Variants in LRP1B observed in about 807,000 individuals in gnomAD.
LRP1B encodes low-density lipoprotein receptor-related protein 1B.
LRP1B carries 217 observed loss-of-function variants against 556.6 expected under a neutral mutation model. The ratio of observed to expected loss-of-function variants is 0.39; its 90% CI spans 0.35 to 0.44. The LOEUF is 0.44. LRP1B is among the 20% of genes least tolerant of loss of function. The probability of loss-of-function intolerance (pLI) is 1.00; values close to 1 mark genes in which losing one functional copy is unlikely to be tolerated. For synonymous variants in LRP1B, 2,047 were observed against 1,865.8 expected (o/e 1.10, Z -2.50); for missense variants, 5,053 against 5,620.8 (o/e 0.90, Z 3.23).
At chr2:141,636,607 C>A (rs976114414) in intron 2 of LRP1B, among the ~76,000 whole-genome samples, 1 of 152,014 alleles carries the variant, frequency 6.6e-6, no homozygotes, top group Non-Finnish European at 1.5e-5. Context: ...AATCATCACA[C>A]GTAATATCAA....
chr2:141,478,588 G>A (rs1682799660), intron 3 of LRP1B, among the ~76,000 whole-genome samples: 1 of 146,666 alleles, frequency 6.8e-6, no homozygotes, highest in African/African-American at 2.5e-5. Context: ...CAGTCACCCA[G>A]GCTGGAGTGC....
chr2:142,028,649 T>C (rs533136751), intron 1 of LRP1B, among the ~76,000 whole-genome samples: 2 of 152,122 alleles, frequency 1.3e-5, no homozygotes, highest in African/African-American at 4.8e-5. Flanking sequence ...ATACAGATAT[T>C]GTGGTAACAC....
rs2105343926 is a variant in LRP1B at position 140,982,265 on chromosome 2, G to C, written c.2782C>G (p.Gln928Glu). Residue 928 changes from glutamine to glutamate, a missense_variant, in exon 18 of 91, where the codon CAG becomes GAG. Physicochemically the swap from Gln to Glu is conservative, Grantham distance 29. Around this residue, in one of 5 missense-constraint regions of LRP1B, gnomAD observed 3,619 missense variants for 3,931.9 expected, o/e 0.92. Transcript: ENST00000389484. Reference sequence around the variant, plus strand: ...TTTCCGCAAGAAAACTGGTCTACCTGGCATGTTCTGGCTATGATGATCAAT... The same window carrying C: ...TTTCCGCAAGAAAACTGGTCTACCTCGCATGTTCTGGCTATGATGATCAAT... Reference protein sequence around the residue: ...SNQTCTARTCQVDQFSCGNGR... With the variant: ...SNQTCTARTCEVDQFSCGNGR... The C allele has an allele frequency of 6.2e-7, 1 of 1,610,466 alleles. No homozygotes were observed. The highest frequency in any genetic ancestry group is 8.5e-7 in the Non-Finnish European group (1 of 1,177,130).
chr2:141,072,916 C>T lies in LRP1B; in HGVS notation c.1014-10643G>A, dbSNP rs1250430249. 2.0e-5 allele frequency among the ~76,000 whole-genome samples: 3 copies of T among 151,978 alleles called. No individual in the cohort carries two copies. In the East Asian group the frequency reaches 5.8e-4, roughly 29 times the overall value. ...AAGCATCCTCTCTTTTTGTTTAGTC[C>T]AATGCAGGGGAGAAATATACACTCA... On this transcript the variant is annotated intron_variant, in intron 7 of 90. Coordinates refer to ENST00000389484, the MANE Select transcript of LRP1B (RefSeq NM_018557.3).
intron 41 of LRP1B, among the ~76,000 whole-genome samples, chr2:140,639,640 A>G (rs892896210): frequency 2.0e-5 from 3 of 152,078 alleles, no homozygotes; most frequent in Non-Finnish European, 1.5e-5. Context: ...TTTCTACTCT[A>G]TTTTCCTTCA....
intron 37 of LRP1B, among the ~76,000 whole-genome samples, chr2:140,703,008 G>T (rs1056008333): frequency 7.9e-5 from 12 of 152,064 alleles, no homozygotes; most frequent in African/African-American, 2.9e-4. Flanking sequence ...TAGACTGTAA[G>T]CTCAACAAGG....
At position 140,370,831 on chromosome 2, in the gene LRP1B, C is replaced by A. The variant is rs372614781; in HGVS notation, c.10887G>T (p.Val3629=). The A allele has an allele frequency of 9.9e-6, 16 of 1,612,284 alleles. No individual in the cohort carries two copies. Among genetic ancestry groups the A allele is most frequent in the Non-Finnish European group, 1.4e-5 (16 of 1,178,946 alleles). ...CADGSDEMDC[V]TECKEDQFRC... ...GAAACTGATCTTCCTTACATTCAGTCACACAGTCCATCTGTTCAAATACAA... is the reference window on the plus strand; with the variant it reads ...GAAACTGATCTTCCTTACATTCAGTAACACAGTCCATCTGTTCAAATACAA... Residue 3629 remains valine (V), a synonymous_variant, in exon 71 of 91, where the codon GTG becomes GTT. Transcript: ENST00000389484.
intron 5 of LRP1B, among the ~76,000 whole-genome samples, chr2:141,239,112 A>C (rs1683767878): frequency 6.6e-6 from 1 of 152,126 alleles, no homozygotes; most frequent in African/African-American, 2.4e-5. Context: ...TCATGCCAAA[A>C]GTATTGGCAA....
chr2:141,707,961 T>A (rs1232367561), intron 2 of LRP1B, among the ~76,000 whole-genome samples: 4 of 152,182 alleles, frequency 2.6e-5, no homozygotes, highest in Non-Finnish European at 4.4e-5. Context: ...CTTTTTACAT[T>A]TATAGCATCT....
Position 140,893,935 on chromosome 2 carries a change from T to C in LRP1B, c.3767-7600A>G, listed in dbSNP as rs190596026. On this transcript the variant is annotated intron_variant, in intron 23 of 90. Coordinates refer to ENST00000389484, the MANE Select transcript of LRP1B (RefSeq NM_018557.3). ...ACCCACAGTGGATGATGATGAAACA[T>C]CAGGGTGGAGAGGGAAAATGAGCAA... 2.0e-3 allele frequency among the ~76,000 whole-genome samples: 312 copies of C among 152,258 alleles called. 1 individual carries two copies. Among genetic ancestry groups the C allele is most frequent in the African/African-American group, 7.3e-3 (303 of 41,548 alleles).
chr2:140,747,865 A>G (rs901801536), intron 35 of LRP1B, among the ~76,000 whole-genome samples: 1 of 151,868 alleles, frequency 6.6e-6, no homozygotes, highest in Non-Finnish European at 1.5e-5. Context: ...TGAAATGAGT[A>G]AATGACCACA....
intron 2 of LRP1B, among the ~76,000 whole-genome samples, chr2:141,681,287 C>T (rs952018378): frequency 1.3e-5 from 2 of 151,424 alleles, no homozygotes; most frequent in Non-Finnish European, 2.9e-5. Flanking sequence ...AGCAAGAGCT[C>T]GTCTCAAAAA....
At chr2:141,118,195 AT>A (rs1336033359) in intron 7 of LRP1B, among the ~76,000 whole-genome samples, 6 of 151,968 alleles carry the variant, frequency 3.9e-5, no homozygotes, top group African/African-American at 1.4e-4. Context: ...GTTTGCACTA[AT>A]TTTTTTAAAC....
intron 3 of LRP1B, among the ~76,000 whole-genome samples, chr2:141,297,079 T>A (rs568524831): frequency 3.3e-5 from 5 of 152,206 alleles, no homozygotes; most frequent in Non-Finnish European, 7.3e-5. Flanking sequence ...GGTGAATATG[T>A]ACCATATTTT....
At chr2:140,685,759 T>C (rs1341526756) in intron 41 of LRP1B, among the ~76,000 whole-genome samples, 1 of 152,186 alleles carries the variant, frequency 6.6e-6, no homozygotes, top group East Asian at 1.9e-4. Context: ...TAAAATTATC[T>C]ACTAAGCAAC....
intron 20 of LRP1B, among the ~76,000 whole-genome samples, chr2:140,945,980 A>G (rs1464094265): frequency 6.6e-6 from 1 of 152,206 alleles, no homozygotes; most frequent in Non-Finnish European, 1.5e-5. Flanking sequence ...ACTAATAGCC[A>G]GAATTTATAA....
At chr2:142,112,130 C>T (rs1021979151) in intron 1 of LRP1B, among the ~76,000 whole-genome samples, 2 of 151,978 alleles carry the variant, frequency 1.3e-5, no homozygotes, top group Non-Finnish European at 2.9e-5. Context: ...TATACAGATG[C>T]CTAACACCAC....
At chr2:141,792,625 A>G (rs574418505) in intron 2 of LRP1B, among the ~76,000 whole-genome samples, 5 of 152,136 alleles carry the variant, frequency 3.3e-5, no homozygotes, top group African/African-American at 1.2e-4. Context: ...CATAAAGACT[A>G]TGCCCTAAAA....
At chr2:140,270,100 CTGA>C (rs1223361557) in intron 86 of LRP1B, 139 bp downstream of exon 86, 20 of 605,956 alleles carry the variant, frequency 3.3e-5, no homozygotes, top group Non-Finnish European at 5.4e-5. Context: ...AGCACATGAG[CTGA>C]TGAGGGACAA....
Sources: allele counts gnomAD v4.1 joint callset (sites outside exome capture counted in the v4.1 genomes callset), GRCh38; gene constraint gnomAD v4.1.1; regional missense constraint gnomAD v4.1.1; transcripts MANE v1.5; gene names NCBI Gene and HGNC (gene_info 2026-07-23, HGNC 2026-07-21).